NDE1: variants seen among roughly 807,000 people sequenced by gnomAD.
NDE1 encodes nudE neurodevelopment protein 1, also known as nuclear distribution protein nudE homolog 1.
NDE1 carries 28 observed loss-of-function variants against 43.4 expected under a neutral mutation model. The ratio of observed to expected loss-of-function variants is 0.65; its 90% CI spans 0.48 to 0.89. NDE1 has a LOEUF of 0.89. Ranked by LOEUF, NDE1 falls within the 40% of genes least tolerant of loss-of-function variation. The probability of loss-of-function intolerance (pLI) is 0.00; values close to 1 mark genes in which losing one functional copy is unlikely to be tolerated. For missense variants in NDE1, 441 were observed against 434.1 expected (o/e 1.02, Z -0.14); for synonymous variants, 184 against 172.0 (o/e 1.07, Z -0.55).
At chr16:15,708,416 T>C (rs1479780255) in intron 8 of NDE1, among the ~76,000 whole-genome samples, 1 of 152,204 alleles carries the variant, frequency 6.6e-6, no homozygotes, top group Non-Finnish European at 1.5e-5. Flanking sequence ...GTGCAGTGTC[T>C]TCACTGGACA....
At chr16:15,659,258 G>A (rs532490911) in intron 1 of NDE1, among the ~76,000 whole-genome samples, 170 of 152,050 alleles carry the variant, frequency 1.1e-3, no homozygotes, top group Admixed American at 1.5e-3. Flanking sequence ...GGTGGTGTCT[G>A]TGTTGACACT....
chr16:15,716,192 C>G (rs2040123667), intron 8 of NDE1, among the ~76,000 whole-genome samples: 1 of 152,092 alleles, frequency 6.6e-6, no homozygotes, highest in Non-Finnish European at 1.5e-5. Flanking sequence ...CTCAGCCTCC[C>G]AAAGTGCCGG....
At chr16:15,673,779 C>T (rs1357393786) in intron 3 of NDE1, among the ~76,000 whole-genome samples, 1 of 151,998 alleles carries the variant, frequency 6.6e-6, no homozygotes, top group Non-Finnish European at 1.5e-5. Flanking sequence ...GCTGGGATTG[C>T]GGCATGAGGC....
At chr16:15,682,625 G>A (rs2038238985) in intron 4 of NDE1, among the ~76,000 whole-genome samples, 1 of 152,108 alleles carries the variant, frequency 6.6e-6, no homozygotes, top group Non-Finnish European at 1.5e-5. Flanking sequence ...ATTTCCTAAA[G>A]GTTACTTTGT....
rs765611446 is a variant in NDE1 at position 15,667,401 on chromosome 16, G to A, written c.199G>A (p.Glu67Lys). 32 of 1,613,794 alleles carry A rather than the reference G, an allele frequency of 2.0e-5. 1 individual carries two copies. The East Asian group carries it at 3.8e-4, about 19-fold the overall frequency. The change falls in exon 3 of 9, where the codon GAA becomes AAA. Residue 67 changes from glutamate (E) to lysine (K), a missense_variant. Coordinates refer to ENST00000396354, the MANE Select transcript of NDE1 (RefSeq NM_017668.3). Reference sequence around the variant, plus strand: ...AACCAGGAACAGAGACCTCCTGTCCGAAAATAACCGCCTTCGCATGGAGCT... The same window carrying A: ...AACCAGGAACAGAGACCTCCTGTCCAAAAATAACCGCCTTCGCATGGAGCT... ...IETRNRDLLS[E>K]NNRLRMELET...
chr16:15,659,618 G>A (rs553804908), intron 1 of NDE1, among the ~76,000 whole-genome samples: 20 of 151,656 alleles, frequency 1.3e-4, no homozygotes, highest in Admixed American at 9.9e-4. Flanking sequence ...TATATTTTTA[G>A]TAGAGATGGG....
chr16:15,699,275 T>A (rs1311043891), intron 8 of NDE1, among the ~76,000 whole-genome samples: 4 of 151,624 alleles, frequency 2.6e-5, no homozygotes, highest in Non-Finnish European at 2.9e-5. Flanking sequence ...TTTTTTTTTT[T>A]TGGAGACAGG....
intron 8 of NDE1, among the ~76,000 whole-genome samples, chr16:15,709,774 A>G (rs1240970496): frequency 6.6e-6 from 1 of 152,224 alleles, no homozygotes; most frequent in African/African-American, 2.4e-5. Context: ...GTCCCAGGCA[A>G]GGAACCTGCA....
At position 15,724,923 on chromosome 16, in the gene NDE1, C is replaced by A. The variant is rs7196804; in HGVS notation, c.*672C>A. ...TGGAGCTGGGAACTGAGGGACGCCA[C>A]GTCCTTGGCCAGCTTAATGGCCTTC... is the stretch of plus-strand genomic sequence containing the variant. On this transcript the variant is annotated 3_prime_UTR_variant, in exon 9 of 9. Transcript: ENST00000396354. 3.7e-6 allele frequency: 6 copies of A among 1,614,162 alleles called. No homozygotes were observed. Among genetic ancestry groups the A allele is most frequent in the Non-Finnish European group, 5.1e-6 (6 of 1,180,032 alleles).
chr16:15,696,841 G>C lies in NDE1; in HGVS notation c.928G>C (p.Val310Leu). 1 of 1,614,134 alleles carries C rather than the reference G, an allele frequency of 6.2e-7. No homozygotes were observed. Among genetic ancestry groups the C allele is most frequent in the Non-Finnish European group, 8.5e-7 (1 of 1,180,024 alleles). Residue 310 changes from valine to leucine, a missense_variant, in exon 8 of 9, where the codon GTG becomes CTG. By Grantham distance (32) the Val-to-Leu change is conservative. Coordinates refer to ENST00000396354, the MANE Select transcript of NDE1 (RefSeq NM_017668.3). ...GGAGAGACGGCCAAGCAGCACCAGC[G>C]TGCCTTTGGGTGATAAGGGGTCAGT... Reference protein sequence around the residue: ...GGERRPSSTSVPLGDKGLDTS... With the variant: ...GGERRPSSTSLPLGDKGLDTS...
intron 4 of NDE1, chr16:15,686,949 G>A (rs979462308): frequency 1.0e-4 from 101 of 982,364 alleles, no homozygotes; most frequent in Non-Finnish European, 1.2e-4. Context: ...CACCTGCCTC[G>A]GCCTCCCAAA....
chr16:15,662,305 T>C (rs1375689230), intron 1 of NDE1, among the ~76,000 whole-genome samples: 32 of 142,858 alleles, frequency 2.2e-4, no homozygotes, highest in Non-Finnish European at 3.8e-4. Context: ...TTTTTTGAGA[T>C]GGAGTCTTGA....
chr16:15,723,109 A>C (rs2151215445), intron 8 of NDE1, among the ~76,000 whole-genome samples: 1 of 152,364 alleles, frequency 6.6e-6, no homozygotes, highest in South Asian at 2.1e-4. Flanking sequence ...CTAAATAATA[A>C]TGTATCTTAA....
intron 8 of NDE1, chr16:15,708,913 A>G: frequency 7.1e-7 from 1 of 1,406,324 alleles, no homozygotes; most frequent in South Asian, 1.2e-5. Flanking sequence ...TATATTCTTA[A>G]TTGTTAAAGA....
chr16:15,720,806 C>T, intron 8 of NDE1: 1 of 1,606,108 alleles, frequency 6.2e-7, no homozygotes, highest in South Asian at 1.1e-5. Context: ...GGCCACCCGA[C>T]CTCCCTCTGC....
chr16:15,721,321 G>A (rs2040467759), intron 8 of NDE1: 5 of 1,331,928 alleles, frequency 3.8e-6, no homozygotes, highest in African/African-American at 1.4e-5. Flanking sequence ...ATGATAGTTC[G>A]CTATGAAAAA....
At chr16:15,667,621 C>CTTTTTTTT (rs1457249746) in intron 3 of NDE1, among the ~76,000 whole-genome samples, 182 bp downstream of exon 3, 1 of 113,264 alleles carries the variant, frequency 8.8e-6, no homozygotes, top group African/African-American at 3.3e-5. Context: ...GTGGGTGGTG[C>CTTTTTTTT]TTTTTGTTTT....
intron 1 of NDE1, among the ~76,000 whole-genome samples, chr16:15,664,219 A>T (rs977755460): frequency 1.3e-5 from 2 of 152,126 alleles, no homozygotes; most frequent in Non-Finnish European, 2.9e-5. Context: ...TAGGTGCTCA[A>T]TAAATATTTG....
At chr16:15,675,986 C>A (rs137866149) in intron 3 of NDE1, among the ~76,000 whole-genome samples, 2 of 152,066 alleles carry the variant, frequency 1.3e-5, no homozygotes, top group East Asian at 3.9e-4. Flanking sequence ...GTGTACTTAG[C>A]CTGGAGGTGG....
Sources: gnomAD v4.1 joint callset for allele counts (sites outside exome capture counted in the v4.1 genomes callset) on GRCh38, gnomAD v4.1.1 for gene constraint, MANE v1.5 for transcripts, NCBI Gene and HGNC (gene_info 2026-07-23, HGNC 2026-07-21) for gene names.